The following LIFR variants were observed in gnomAD, a reference collection of about 807,000 sequenced individuals.
The protein encoded by LIFR is LIF receptor subunit alpha.
LIFR carries 84 observed loss-of-function variants against 122.2 expected under a neutral mutation model. That is an observed-to-expected ratio of 0.69 (90% CI 0.58 to 0.82). The LOEUF is 0.82. LIFR is among the 40% of genes least tolerant of loss of function. LIFR has a pLI of 0.00. For synonymous variants in LIFR, 422 were observed against 434.7 expected, an observed-to-expected ratio of 0.97 and a Z score of 0.36; for missense variants, 1,294 against 1,311.6, an observed-to-expected ratio of 0.99 and a Z score of 0.21.
In LIFR at chr5:38,515,002, A is replaced by G. The variant is rs147123893; in HGVS notation, c.562-3038T>C. Among the ~76,000 whole-genome samples, 106 of 152,316 alleles carry G rather than the reference A, an allele frequency of 7.0e-4. 1 individual carries two copies. The highest frequency in any genetic ancestry group is 2.4e-3 in the African/African-American group (101 of 41,564). ...CAAATGCTTCCACAAAAATGAGGAA[A>G]TAAGAGAACGACTGGAGATTTGGCA... On this transcript the variant is annotated intron_variant, in intron 5 of 19. Transcript: ENST00000453190.
chr5:38,505,944 G>C lies in LIFR; in HGVS notation c.1252C>G (p.Arg418Gly). The C allele has an allele frequency of 1.2e-6, 2 of 1,606,938 alleles. No individual in the cohort carries two copies. Among genetic ancestry groups the C allele is most frequent in the Non-Finnish European group, 1.7e-6 (2 of 1,176,164 alleles). ...TTAACTAAAATTGTTGATTGTGATC[G>C]ACCCAGCGGATTGTGAGCATTCAAA... ...FTLNAHNPLG[R>G]SQSTILVNIT... Residue 418 changes from arginine to glycine, a missense_variant, in exon 9 of 20, where the codon CGA becomes GGA. Coordinates refer to ENST00000453190, the MANE Select transcript of LIFR (RefSeq NM_001127671.2).
Position 38,514,548 on chromosome 5 carries a change from A to G in LIFR, c.562-2584T>C, listed in dbSNP as rs556968726. 1.6e-4 allele frequency among the ~76,000 whole-genome samples: 24 copies of G among 152,358 alleles called. No homozygotes were observed. The South Asian group carries it at 5.0e-3, about 32-fold the overall frequency. ...CCAGTTCCTCTACAACTTCTCAGTA[A>G]TAGTAATTGACAAGCTTTTAAATTT... On this transcript the variant is annotated intron_variant, in intron 5 of 19. Transcript: ENST00000453190.
At chr5:38,578,906 C>T (rs1191837614) in intron 1 of LIFR, among the ~76,000 whole-genome samples, 1 of 152,188 alleles carries the variant, frequency 6.6e-6, no homozygotes, top group African/African-American at 2.4e-5. Flanking sequence ...TTTTAGTTCA[C>T]CTTCAAGTGT....
intron 1 of LIFR, among the ~76,000 whole-genome samples, chr5:38,543,694 A>G (rs1015765205): frequency 6.6e-6 from 1 of 152,228 alleles, no homozygotes; most frequent in Non-Finnish European, 1.5e-5. Context: ...GGGATTGAGT[A>G]AAGAAGATGA....
intron 9 of LIFR, among the ~76,000 whole-genome samples, chr5:38,505,022 C>G (rs928784865): frequency 2.0e-5 from 3 of 152,028 alleles, no homozygotes; most frequent in African/African-American, 7.2e-5. Context: ...GCACATGGAC[C>G]ATGGGAATGA....
intron 1 of LIFR, among the ~76,000 whole-genome samples, chr5:38,544,648 C>T (rs1438908581): frequency 2.0e-5 from 3 of 152,178 alleles, no homozygotes; most frequent in South Asian, 2.1e-4. Context: ...TATCCTTCAG[C>T]GTACACATCA....
At chr5:38,570,129 A>G (rs1221642056) in intron 1 of LIFR, among the ~76,000 whole-genome samples, 1 of 152,176 alleles carries the variant, frequency 6.6e-6, no homozygotes, top group Non-Finnish European at 1.5e-5. Context: ...AGCATGCTAT[A>G]CCTTAACTTG....
chr5:38,497,094 G>A (rs1744922839), intron 12 of LIFR, among the ~76,000 whole-genome samples: 1 of 152,174 alleles, frequency 6.6e-6, no homozygotes, highest in African/African-American at 2.4e-5. Flanking sequence ...TCAGCAGTTC[G>A]AGACCAGCCT....
intron 5 of LIFR, among the ~76,000 whole-genome samples, chr5:38,514,176 G>C (rs1232734241): frequency 1.3e-5 from 2 of 152,066 alleles, no homozygotes; most frequent in Non-Finnish European, 2.9e-5. Flanking sequence ...ACAATTAGAG[G>C]ATTGTTGTGG....
rs114534411 is a variant in LIFR, at chr5:38,512,557, T to C, written c.562-593A>G. Among the ~76,000 whole-genome samples the C allele has an allele frequency of 6.2e-3, 937 of 152,248 alleles. 10 individuals carry two copies. The highest frequency in any genetic ancestry group is 0.022 in the African/African-American group (896 of 41,530). ...CAGGAGGCTGAGGTGGGAGGGTCTA[T>C]TGAGCCTGGAAAGTCAAGGCTGCAG... On this transcript the variant is annotated intron_variant, in intron 5 of 19. Coordinates refer to ENST00000453190, the MANE Select transcript of LIFR (RefSeq NM_001127671.2).
At chr5:38,562,273 G>A (rs552838637) in intron 1 of LIFR, among the ~76,000 whole-genome samples, 86 of 151,854 alleles carry the variant, frequency 5.7e-4, no homozygotes, top group African/African-American at 2.0e-3. Context: ...CTTCTTTTCC[G>A]CCTCCGTCTT....
rs112421759 is a variant in LIFR at position 38,545,350 on chromosome 5, A to ATGTGTGTG, written c.-20+10976_-20+10983dup. Among the ~76,000 whole-genome samples, 73 of 151,530 alleles carry ATGTGTGTG rather than the reference A, an allele frequency of 4.8e-4. 1 individual carries two copies. The highest frequency in any genetic ancestry group is 1.7e-3 in the African/African-American group (72 of 41,332). ...TATTTGGAGATGTAGACATAAATAT[A>ATGTGTGTG]TGTGTGTGTGTGTGTATGTGTGTGT... On this transcript the variant is annotated intron_variant, in intron 1 of 19. Transcript: ENST00000453190.
chr5:38,493,197 G>C lies in LIFR; in HGVS notation c.2065+409C>G, dbSNP rs539340253. On this transcript the variant is annotated intron_variant, in intron 14 of 19. Transcript: ENST00000453190. ...AGGCAAAGGCCCTTGTGTGAGACCA[G>C]GCTACAGTTCCGTAGTTTTTTTTTT... 1.1e-3 allele frequency among the ~76,000 whole-genome samples: 168 copies of C among 152,160 alleles called. 2 individuals are homozygous for C. The highest frequency in any genetic ancestry group is 3.9e-3 in the African/African-American group (163 of 41,524).
chr5:38,561,908 G>C (rs1748852644), intron 1 of LIFR, among the ~76,000 whole-genome samples: 1 of 152,174 alleles, frequency 6.6e-6, no homozygotes, highest in Admixed American at 6.5e-5. Flanking sequence ...AGAACATGAA[G>C]TAAGAACACT....
intron 5 of LIFR, among the ~76,000 whole-genome samples, chr5:38,516,802 C>G (rs1378714129): frequency 1.3e-5 from 2 of 152,116 alleles, no homozygotes. Context: ...GACTTGGAAC[C>G]CACCCAAACA....
At chr5:38,606,834 C>G (rs1257652319) in intron 1 of LIFR, among the ~76,000 whole-genome samples, 1 of 152,122 alleles carries the variant, frequency 6.6e-6, no homozygotes, top group Non-Finnish European at 1.5e-5. Flanking sequence ...AGAGGCAACC[C>G]AGTACATCCC....
At chr5:38,507,415 T>C (rs925535703) in intron 7 of LIFR, among the ~76,000 whole-genome samples, 3 of 151,620 alleles carry the variant, frequency 2.0e-5, no homozygotes, top group Non-Finnish European at 4.4e-5. Context: ...AATACAAAAA[T>C]TAGCCGGGTG....
intron 13 of LIFR, among the ~76,000 whole-genome samples, chr5:38,495,959 G>C (rs908176511): frequency 4.0e-5 from 6 of 151,348 alleles, no homozygotes; most frequent in African/African-American, 1.5e-4. Context: ...ATCAAAAAAG[G>C]TGCTAATTAA....
intron 15 of LIFR, among the ~76,000 whole-genome samples, chr5:38,489,489 C>T (rs1287835387): frequency 1.3e-5 from 2 of 152,124 alleles, no homozygotes; most frequent in East Asian, 1.9e-4. Flanking sequence ...TAGACAAACA[C>T]ATATCTAGGG....
Sources: allele counts gnomAD v4.1 joint callset (sites outside exome capture counted in the v4.1 genomes callset), GRCh38; gene constraint gnomAD v4.1.1; transcripts MANE v1.5; gene names NCBI Gene and HGNC (gene_info 2026-07-23, HGNC 2026-07-21).